SHC3: variants seen among roughly 807,000 people sequenced by gnomAD.
SHC3 encodes SHC-transforming protein 3.
Under a neutral mutation model 60.4 loss-of-function variants are expected in SHC3, and 15 were observed. The observed-to-expected ratio is 0.25, with a 90% CI of 0.17 to 0.38. SHC3 has a LOEUF of 0.38. Among genes scored for constraint, SHC3 ranks in the 10% least tolerant of loss-of-function variants. The probability of loss-of-function intolerance (pLI) is 1.00; values close to 1 mark genes in which losing one functional copy is unlikely to be tolerated. For missense variants in SHC3, 677 were observed against 786.1 expected (o/e 0.86, Z 1.66); for synonymous variants, 294 against 325.9 (o/e 0.90, Z 1.05).
intron 6 of SHC3, among the ~76,000 whole-genome samples, chr9:89,059,680 G>GCA (rs1295827958): frequency 3.2e-4 from 27 of 83,116 alleles, no homozygotes; most frequent in East Asian, 5.3e-4. Context: ...GTGGAGGATG[G>GCA]TGGTGGAGGA....
chr9:89,098,328 C>T (rs77162264), intron 2 of SHC3, among the ~76,000 whole-genome samples: 2,143 of 152,258 alleles, frequency 0.014, 49 homozygotes, highest in African/African-American at 0.045. Context: ...AAGGACATTA[C>T]GGGACAATTG....
In SHC3 at chr9:89,141,352, C is replaced by A. The variant is rs564298178; in HGVS notation, c.475-28726G>T. ...TACCCTTCTTTATGACAGAACAATA[C>A]AGAAAGACACACAAATCATGCCAGA... On this transcript the variant is annotated intron_variant, in intron 1 of 11. Coordinates refer to ENST00000375835, the MANE Select transcript of SHC3 (RefSeq NM_016848.6). 8.0e-4 allele frequency among the ~76,000 whole-genome samples: 122 copies of A among 152,316 alleles called. 1 individual carries two copies. Among genetic ancestry groups the A allele is most frequent in the African/African-American group, 2.7e-3 (113 of 41,566 alleles).
chr9:89,131,614 C>T (rs1826245723), intron 1 of SHC3, among the ~76,000 whole-genome samples: 2 of 152,148 alleles, frequency 1.3e-5, no homozygotes, highest in South Asian at 4.1e-4. Context: ...ATACGCAAAT[C>T]AATAAATGTA....
chr9:89,141,001 A>G (rs991402411), intron 1 of SHC3, among the ~76,000 whole-genome samples: 5 of 152,194 alleles, frequency 3.3e-5, no homozygotes, highest in Admixed American at 3.3e-4. Flanking sequence ...CTCTTTTAAA[A>G]AGTCATGGTA....
intron 1 of SHC3, among the ~76,000 whole-genome samples, chr9:89,124,668 C>A (rs1188819631): frequency 6.6e-6 from 1 of 151,944 alleles, no homozygotes; most frequent in Non-Finnish European, 1.5e-5. Flanking sequence ...AGGGGAACAT[C>A]ACACACCGGG....
chr9:89,044,198 T>C (rs1397227670), intron 9 of SHC3, among the ~76,000 whole-genome samples: 2 of 152,280 alleles, frequency 1.3e-5, no homozygotes, highest in Non-Finnish European at 2.9e-5. Context: ...ACACATGTTA[T>C]GGAAATGCAT....
chr9:89,132,295 G>A (rs1162586617), intron 1 of SHC3, among the ~76,000 whole-genome samples: 1 of 152,178 alleles, frequency 6.6e-6, no homozygotes, highest in African/African-American at 2.4e-5. Flanking sequence ...CCATGCTCAT[G>A]GATAGGGAGA....
At chr9:89,172,002 C>T (rs781450241) in intron 1 of SHC3, among the ~76,000 whole-genome samples, 8 of 152,280 alleles carry the variant, frequency 5.3e-5, no homozygotes, top group Admixed American at 1.3e-4. Context: ...AGAAGATGCT[C>T]GCCAGCCAAG....
intron 11 of SHC3, among the ~76,000 whole-genome samples, chr9:89,029,084 G>T (rs148152833): frequency 3.3e-5 from 5 of 151,046 alleles, no homozygotes; most frequent in Admixed American, 3.3e-4. Context: ...GTCAAGAAAA[G>T]CTCCCAGAAC....
intron 2 of SHC3, chr9:89,110,451 G>C: frequency 1.0e-6 from 1 of 985,024 alleles, no homozygotes. Flanking sequence ...CATGGCAGTG[G>C]AGTTTAATCA....
intron 1 of SHC3, among the ~76,000 whole-genome samples, chr9:89,156,408 A>T (rs920611795): frequency 5.3e-5 from 8 of 152,152 alleles, no homozygotes; most frequent in Admixed American, 2.0e-4. Flanking sequence ...AACATCATAG[A>T]TATGATTAAG....
intron 1 of SHC3, among the ~76,000 whole-genome samples, chr9:89,133,980 C>T (rs543360230): frequency 3.3e-5 from 5 of 152,218 alleles, no homozygotes; most frequent in African/African-American, 1.2e-4. Context: ...ATGTGAAGTG[C>T]CATGCCCCTT....
intron 6 of SHC3, among the ~76,000 whole-genome samples, chr9:89,060,317 C>T (rs899779958): frequency 1.7e-4 from 24 of 141,488 alleles, no homozygotes; most frequent in Non-Finnish European, 3.1e-4. Context: ...TGGTAGAGGA[C>T]GTGGTGTAGG....
chr9:89,050,378 C>T (rs989615225), intron 7 of SHC3, among the ~76,000 whole-genome samples: 21 of 152,192 alleles, frequency 1.4e-4, no homozygotes, highest in African/African-American at 4.6e-4. Flanking sequence ...CGCCACCTCC[C>T]GAGTTCAAGT....
chr9:89,012,259 T>C lies in SHC3; in HGVS notation c.*1188A>G, dbSNP rs545252578. 1 of 152,284 alleles carries C rather than the reference T, an allele frequency of 6.6e-6. No individual in the cohort carries two copies. Among genetic ancestry groups the C allele is most frequent in the African/African-American group, 2.4e-5 (1 of 41,558 alleles). 9.4% of individuals were successfully genotyped at this position (152,284 alleles called of 1,614,324 possible). A position where few individuals can be genotyped will look rare whatever the true frequency, so the allele number is the denominator to read the frequency against. On this transcript the variant is annotated 3_prime_UTR_variant, in exon 12 of 12. Transcript: ENST00000375835. ...ATGACTCCTCAGGAAATGACAGTATTTTACCTGGAAGAAAGGGAGTCAAGA... is the reference window on the plus strand; with the variant it reads ...ATGACTCCTCAGGAAATGACAGTATCTTACCTGGAAGAAAGGGAGTCAAGA...
At chr9:89,039,661 C>A (rs766266121) in intron 10 of SHC3, among the ~76,000 whole-genome samples, 2 of 151,888 alleles carry the variant, frequency 1.3e-5, no homozygotes, top group Non-Finnish European at 2.9e-5. Context: ...TCACCATCAT[C>A]CCCATTGTTA....
At chr9:89,035,922 G>A (rs919916068) in intron 11 of SHC3, among the ~76,000 whole-genome samples, 3 of 148,010 alleles carry the variant, frequency 2.0e-5, no homozygotes, top group Non-Finnish European at 4.5e-5. Context: ...ATATTCAAAA[G>A]TACCTTCAGT....
chr9:89,040,452 A>G (rs2117886429), intron 10 of SHC3, among the ~76,000 whole-genome samples: 1 of 152,146 alleles, frequency 6.6e-6, no homozygotes, highest in Non-Finnish European at 1.5e-5. Flanking sequence ...GGAGAAATTA[A>G]CTGGTGGGAA....
chr9:89,047,932 CAGT>C (rs1476367680), intron 7 of SHC3, among the ~76,000 whole-genome samples: 4 of 152,106 alleles, frequency 2.6e-5, no homozygotes, highest in African/African-American at 9.7e-5. Context: ...TACATCTTTA[CAGT>C]AGCATTGTTC....
Sources: allele counts gnomAD v4.1 joint callset (sites outside exome capture counted in the v4.1 genomes callset), GRCh38; gene constraint gnomAD v4.1.1; transcripts MANE v1.5; gene names NCBI Gene and HGNC (gene_info 2026-07-23, HGNC 2026-07-21).